AKT3: variants seen among roughly 807,000 people sequenced by gnomAD.
The protein encoded by AKT3 is RAC-gamma serine/threonine-protein kinase.
A neutral mutation model predicts 65.3 loss-of-function variants in AKT3; 15 were observed. The ratio of observed to expected loss-of-function variants is 0.23; its 90% CI spans 0.15 to 0.35. The LOEUF is 0.35. AKT3 is among the 10% of genes least tolerant of loss of function. The pLI, the probability that AKT3 is intolerant of heterozygous loss-of-function variation, is 1.00. For missense variants in AKT3, 243 were observed against 576.5 expected (o/e 0.42, Z 5.92); for synonymous variants, 206 against 183.8 (o/e 1.12, Z -0.98).
chr1:243,552,431 T>C (rs1673150127), intron 11 of AKT3, among the ~76,000 whole-genome samples: 1 of 152,006 alleles, frequency 6.6e-6, no homozygotes, highest in South Asian at 2.1e-4. Flanking sequence ...AAGTGATTCT[T>C]CTATCCCCAC....
intron 2 of AKT3, among the ~76,000 whole-genome samples, chr1:243,731,358 C>T (rs1256512504): frequency 6.6e-6 from 1 of 152,136 alleles, no homozygotes; most frequent in African/African-American, 2.4e-5. Flanking sequence ...TTAGAAAACA[C>T]TTGCTTTGAT....
At position 243,817,243 on chromosome 1, in the gene AKT3, T is replaced by C. The variant is rs571950882; in HGVS notation, c.46+25882A>G. 2.6e-4 allele frequency among the ~76,000 whole-genome samples: 39 copies of C among 152,280 alleles called. 2 individuals carry two copies. The South Asian group carries it at 7.9e-3, about 31-fold the overall frequency. On this transcript the variant is annotated intron_variant, in intron 2 of 13. Transcript: ENST00000673466. The stretch of plus-strand genomic sequence containing the variant: ...CTAGGTGACATCTCCAAGAGAACCA[T>C]GGACTCAAACCACAGAATCATGAAA...
chr1:243,548,756 CT>C (rs1672844060), intron 11 of AKT3, among the ~76,000 whole-genome samples: 2 of 152,134 alleles, frequency 1.3e-5, no homozygotes, highest in Admixed American at 6.6e-5. Flanking sequence ...CATGCTTTTC[CT>C]ATCAACTCCG....
At position 243,797,887 on chromosome 1, in the gene AKT3, C is replaced by CT. The variant is rs561166742; in HGVS notation, c.46+45237dup. ...AAAAAAAAACCAAAAAACAGTTTTT[C>CT]TTTTTTTTTTTTTGAGATGGAGTCT... On this transcript the variant is annotated intron_variant, in intron 2 of 13. Coordinates refer to ENST00000673466, the MANE Select transcript of AKT3 (RefSeq NM_005465.7). Among the ~76,000 whole-genome samples, 588 of 141,562 alleles carry CT rather than the reference C, an allele frequency of 4.2e-3. 4 individuals are homozygous for CT. Among genetic ancestry groups the CT allele is most frequent in the East Asian group, 7.5e-3 (37 of 4,946 alleles). The allele number at this position is 141,562 out of a possible 152,430, so 92.9% of individuals were successfully genotyped here. A position where few individuals can be genotyped will look rare whatever the true frequency, so the allele number is the denominator to read the frequency against.
Position 243,778,510 on chromosome 1 carries a change from G to A in AKT3, c.46+64615C>T, listed in dbSNP as rs1572334574. Among the ~76,000 whole-genome samples the A allele has an allele frequency of 2.6e-5, 4 of 152,264 alleles. No individual in the cohort carries two copies. In the South Asian group the frequency reaches 8.3e-4, roughly 32 times the overall value. On this transcript the variant is annotated intron_variant, in intron 2 of 13. Transcript: ENST00000673466. ...AAATTCAGTGTCACTAGAATGTAAA[G>A]GATGAAGCTGGAAGTTGCAGAGTAT... is the stretch of plus-strand genomic sequence containing the variant.
At chr1:243,703,364 G>A (rs1213187768) in intron 2 of AKT3, among the ~76,000 whole-genome samples, 1 of 152,132 alleles carries the variant, frequency 6.6e-6, no homozygotes, top group Non-Finnish European at 1.5e-5. Context: ...TTATACAGAG[G>A]AGTACAATTA....
At chr1:243,680,657 A>C (rs1482963803) in intron 3 of AKT3, among the ~76,000 whole-genome samples, 1 of 152,150 alleles carries the variant, frequency 6.6e-6, no homozygotes, top group Non-Finnish European at 1.5e-5. Flanking sequence ...GTATCAACTC[A>C]GAGGAAGCAA....
chr1:243,598,922 C>G (rs1016279623), intron 8 of AKT3, among the ~76,000 whole-genome samples: 1 of 152,142 alleles, frequency 6.6e-6, no homozygotes, highest in African/African-American at 2.4e-5. Context: ...ATTGAATGAG[C>G]TAATCTTATT....
At chr1:243,836,852 C>T (rs1694925854) in intron 2 of AKT3, among the ~76,000 whole-genome samples, 1 of 145,552 alleles carries the variant, frequency 6.9e-6, no homozygotes, top group Admixed American at 7.1e-5. Context: ...GCGGAGGTTG[C>T]AGTGAGCTGA....
At chr1:243,744,575 T>C (rs1163853441) in intron 2 of AKT3, among the ~76,000 whole-genome samples, 1 of 151,444 alleles carries the variant, frequency 6.6e-6, no homozygotes, top group Non-Finnish European at 1.5e-5. Flanking sequence ...CCGTCTCTAC[T>C]AAAAATACAA....
chr1:243,739,622 A>G (rs1466112687), intron 2 of AKT3: 4 of 152,196 alleles, frequency 2.6e-5, no homozygotes, highest in Admixed American at 2.0e-4. Flanking sequence ...GACTGAACAT[A>G]TTCAAAAACA....
At chr1:243,523,618 A>G (rs1350567369) in intron 12 of AKT3, among the ~76,000 whole-genome samples, 4 of 152,210 alleles carry the variant, frequency 2.6e-5, no homozygotes, top group South Asian at 2.1e-4. Flanking sequence ...TATTCATACT[A>G]AAGTCATACT....
intron 2 of AKT3, among the ~76,000 whole-genome samples, chr1:243,823,865 T>C (rs1018853170): frequency 4.6e-5 from 7 of 152,306 alleles, no homozygotes; most frequent in African/African-American, 1.7e-4. Context: ...ACTATTCCCA[T>C]TGAACTACCA....
At chr1:243,699,698 T>C (rs1685320825) in intron 2 of AKT3, among the ~76,000 whole-genome samples, 1 of 151,684 alleles carries the variant, frequency 6.6e-6, no homozygotes, top group Admixed American at 6.6e-5. Context: ...CCCAGGAACC[T>C]GTGAATATTA....
chr1:243,550,682 A>G lies in AKT3; in HGVS notation c.1163+2047T>C, dbSNP rs578251392. Among the ~76,000 whole-genome samples, 43 of 150,918 alleles carry G rather than the reference A, an allele frequency of 2.8e-4. No homozygotes were observed. The South Asian group carries it at 5.9e-3, about 21-fold the overall frequency. On this transcript the variant is annotated intron_variant, in intron 11 of 13. Coordinates refer to ENST00000673466, the MANE Select transcript of AKT3 (RefSeq NM_005465.7). ...AAAAGTCGGCTGGACACGGTGGCTC[A>G]TGCCTGTAATCCCAGCACTTTGGAA...
intron 2 of AKT3, among the ~76,000 whole-genome samples, chr1:243,758,862 C>T (rs1689310346): frequency 6.6e-6 from 1 of 152,174 alleles, no homozygotes; most frequent in African/African-American, 2.4e-5. Flanking sequence ...GGGACCAGTA[C>T]TTGTCCACAG....
At chr1:243,607,328 G>T (rs1677502581) in intron 8 of AKT3, among the ~76,000 whole-genome samples, 1 of 152,238 alleles carries the variant, frequency 6.6e-6, no homozygotes, top group Non-Finnish European at 1.5e-5. Context: ...CACAGGGGTG[G>T]TGCTGCTCAA....
At position 243,499,807 on chromosome 1, in the gene AKT3, T is replaced by G. The variant is rs1669064940; in HGVS notation, c.*5442A>C. The G allele has an allele frequency of 5.0e-6, 8 of 1,608,876 alleles. No homozygotes were observed. Among genetic ancestry groups the G allele is most frequent in the Non-Finnish European group, 6.8e-6 (8 of 1,175,816 alleles). ...CTGACCTGGATGGAACAGAGTGAAATAAATGATTTACAAAGAGATATTTAC... is the reference window on the plus strand; with the variant it reads ...CTGACCTGGATGGAACAGAGTGAAAGAAATGATTTACAAAGAGATATTTAC... On this transcript the variant is annotated 3_prime_UTR_variant, in exon 14 of 14. Coordinates refer to ENST00000673466, the MANE Select transcript of AKT3 (RefSeq NM_005465.7).
upstream of AKT3, among the ~76,000 whole-genome samples, chr1:243,850,665 T>A (rs1260825958): frequency 6.6e-6 from 1 of 151,342 alleles, no homozygotes; most frequent in Non-Finnish European, 1.5e-5. Context: ...TCTCGGCGAC[T>A]GGCGGGAGCG....
Sources: gnomAD v4.1 joint callset for allele counts (sites outside exome capture counted in the v4.1 genomes callset) on GRCh38, gnomAD v4.1.1 for gene constraint, MANE v1.5 for transcripts, NCBI Gene and HGNC (gene_info 2026-07-23, HGNC 2026-07-21) for gene names.